The following ECPAS variants were observed in gnomAD, a reference collection of about 807,000 sequenced individuals.
ECPAS encodes the protein Ecm29 proteasome adaptor and scaffold, also known as proteasome adapter and scaffold protein ECM29.
Under a neutral mutation model 255.1 loss-of-function variants are expected in ECPAS, and 70 were observed. That is an observed-to-expected ratio of 0.27 (90% CI 0.23 to 0.33). The LOEUF (loss-of-function observed/expected upper bound fraction) is 0.33, where lower values mean the gene tolerates loss of function less well. ECPAS is among the 10% of genes least tolerant of loss of function. The probability of loss-of-function intolerance (pLI) is 1.00; values close to 1 mark genes in which losing one functional copy is unlikely to be tolerated. For synonymous variants in ECPAS, 784 were observed against 775.0 expected, an observed-to-expected ratio of 1.01 and a Z score of -0.19; for missense variants, 1,817 against 2,206.4, an observed-to-expected ratio of 0.82 and a Z score of 3.54.
At chr9:111,388,294 C>G (rs1185162973) in intron 31 of ECPAS, among the ~76,000 whole-genome samples, 1 of 150,024 alleles carries the variant, frequency 6.7e-6, no homozygotes, top group African/African-American at 2.5e-5. Flanking sequence ...AGAGATGACA[C>G]TCACGTCTCA....
At chr9:111,389,938 G>T in intron 30 of ECPAS, 46 bp downstream of exon 30, 1 of 1,342,358 alleles carries the variant, frequency 7.4e-7, no homozygotes, top group Non-Finnish European at 1.0e-6. Flanking sequence ...TAGCATGTTT[G>T]GTTTGCATGA....
In ECPAS at chr9:111,444,504, AG is replaced by A. The variant is rs1387709127; in HGVS notation, c.154-11del. 2 of 1,549,884 alleles carry A rather than the reference AG, an allele frequency of 1.3e-6. No homozygotes were observed. ...CCAGCAGTTCCATTACCTAAAATACAGAGAGATGGGAACTAAAGTTATTGAT... is the reference window on the plus strand; with the variant it reads ...CCAGCAGTTCCATTACCTAAAATACAAGAGATGGGAACTAAAGTTATTGAT... On this transcript the variant is annotated splice_polypyrimidine_tract_variant and intron_variant, in intron 3 of 49. Transcript: ENST00000684092.
At chr9:111,412,575 A>AT (rs1480675978) in intron 20 of ECPAS, among the ~76,000 whole-genome samples, 136 of 151,766 alleles carry the variant, frequency 9.0e-4, no homozygotes, top group African/African-American at 2.8e-3. Flanking sequence ...TCGTTTCTTG[A>AT]TTTTTTTTTC....
intron 33 of ECPAS, 147 bp downstream of exon 33, chr9:111,385,190 C>T (rs2098146183): frequency 1.1e-5 from 6 of 548,868 alleles, no homozygotes; most frequent in Non-Finnish European, 1.9e-5. Flanking sequence ...TGCAACTTCA[C>T]AGACACATTA....
rs565344659 is a variant in ECPAS, at chr9:111,417,743, T to C, written c.1683+140A>G. The C allele has an allele frequency of 1.3e-5, 11 of 842,574 alleles. No individual in the cohort carries two copies. The South Asian group carries it at 1.9e-4, about 15-fold the overall frequency. 52.2% of individuals were successfully genotyped at this position (842,574 alleles called of 1,614,324 possible). ...CCTGGGCAACAAGAGCGAAGCTCCA[T>C]CTCAAAAAAAAAAAAGAAAAGAAAA... On this transcript the variant is annotated intron_variant, in intron 17 of 49. Transcript: ENST00000684092.
intron 17 of ECPAS, 50 bp downstream of exon 17, chr9:111,417,833 T>A: frequency 6.8e-7 from 1 of 1,461,174 alleles, no homozygotes; most frequent in Non-Finnish European, 9.1e-7. Context: ...TGTTTTTATT[T>A]TCATCATCCA....
At chr9:111,411,892 G>T in intron 21 of ECPAS, 122 bp downstream of exon 21, 1 of 854,842 alleles carries the variant, frequency 1.2e-6, no homozygotes, top group Non-Finnish European at 1.7e-6. Flanking sequence ...ACTCTTTATG[G>T]TCATAAAAGC....
chr9:111,434,896 C>CTTTTTTTTTTTTTTTTTTTTTTTTTT (rs3031129), intron 7 of ECPAS, among the ~76,000 whole-genome samples: 1 of 92,182 alleles, frequency 1.1e-5, no homozygotes. Flanking sequence ...CCACATCTGG[C>CTTTTTTTTTTTTTTTTTTTTTTTTTT]TTTTTTTTTT....
At chr9:111,372,707 A>G in intron 41 of ECPAS, 87 bp from the exon 42 acceptor site, 1 of 1,020,416 alleles carries the variant, frequency 9.8e-7, no homozygotes, top group Non-Finnish European at 1.4e-6. Flanking sequence ...CTCATATAAT[A>G]GCAAAACAAA....
At position 111,433,500 on chromosome 9, in the gene ECPAS, C is replaced by T. The variant is rs2098233127; in HGVS notation, c.709-128G>A. 8.4e-6 allele frequency: 7 copies of T among 834,770 alleles called. No homozygotes were observed. The Admixed American group carries it at 1.5e-4, about 18-fold the overall frequency. 51.7% of individuals were successfully genotyped at this position (834,770 alleles called of 1,614,324 possible). A position where few individuals can be genotyped will look rare whatever the true frequency, so the allele number is the denominator to read the frequency against. ...GCAGTAACAACAGTAGCAGCTCCTA[C>T]TTAGGCTTACAATGTGCCGGGGACT... On this transcript the variant is annotated intron_variant, in intron 7 of 49. Coordinates refer to ENST00000684092, the MANE Select transcript of ECPAS (RefSeq NM_001364929.1).
At chr9:111,425,642 C>T (rs1222291438) in intron 11 of ECPAS, 101 bp downstream of exon 11, 5 of 976,684 alleles carry the variant, frequency 5.1e-6, no homozygotes, top group South Asian at 3.5e-5. Context: ...GATGAGCAAA[C>T]ATGTTTTCTT....
intron 45 of ECPAS, among the ~76,000 whole-genome samples, chr9:111,369,784 A>T (rs2098125162): frequency 6.6e-6 from 1 of 151,870 alleles, no homozygotes; most frequent in Non-Finnish European, 1.5e-5. Flanking sequence ...TGAGTATTCC[A>T]TTTTCCACAT....
chr9:111,458,139 C>A (rs944091875), intron 2 of ECPAS, among the ~76,000 whole-genome samples: 1 of 152,114 alleles, frequency 6.6e-6, no homozygotes, highest in African/African-American at 2.4e-5. Context: ...GAAAGCCCAA[C>A]TAATGATTCT....
rs55763374 is a variant in ECPAS, at chr9:111,466,616, TACACACACACACACAC to T, written c.22+6265_22+6280del. On this transcript the variant is annotated intron_variant, in intron 2 of 49. Coordinates refer to ENST00000684092, the MANE Select transcript of ECPAS (RefSeq NM_001364929.1). ...TCTACTAAAAATATAAATAACTAAA[TACACACACACACACAC>T]ACACACACACACACACACACACACG... Among the ~76,000 whole-genome samples, 253 of 143,498 alleles carry T rather than the reference TACACACACACACACAC, an allele frequency of 1.8e-3. 1 individual carries two copies. The highest frequency in any genetic ancestry group is 6.2e-3 in the African/African-American group (239 of 38,606). 94.1% of individuals were successfully genotyped at this position (143,498 alleles called of 152,430 possible).
intron 17 of ECPAS, 118 bp from the exon 18 acceptor site, chr9:111,416,470 G>T: frequency 2.8e-6 from 2 of 716,084 alleles, no homozygotes; most frequent in South Asian, 3.4e-5. Context: ...TTCTTTTTCT[G>T]ATCAAACATT....
At chr9:111,366,097 T>A (rs890902419) in intron 48 of ECPAS, 142 bp downstream of exon 48, 2 of 584,070 alleles carry the variant, frequency 3.4e-6, no homozygotes, top group Admixed American at 6.5e-5. Context: ...AGTTAAGGGG[T>A]ACACATGGAG....
chr9:111,479,433 CA>C (rs1319647185), intron 1 of ECPAS, among the ~76,000 whole-genome samples: 12 of 146,250 alleles, frequency 8.2e-5, no homozygotes, highest in South Asian at 4.4e-4. Flanking sequence ...CTGTCTCTAC[CA>C]AAAAAAAAAT....
At position 111,372,441 on chromosome 9, in the gene ECPAS, C is replaced by T. The variant is rs1376246606; in HGVS notation, c.4516G>A (p.Glu1506Lys). The T allele has an allele frequency of 6.2e-7, 1 of 1,613,690 alleles. No individual in the cohort carries two copies. The highest frequency in any genetic ancestry group is 1.1e-5 in the South Asian group (1 of 91,050). ...ECNLWTEVWQ[E>K]NVPGSFGGIR... Reference sequence around the variant, plus strand: ...CCACACTACTAACCAGGTACGTTTTCCTGCCACACTTCGGTCCATAAATTA... The same window carrying T: ...CCACACTACTAACCAGGTACGTTTTTCTGCCACACTTCGGTCCATAAATTA... The change falls in exon 42 of 50, where the codon GAA (glutamate) becomes AAA (lysine). Residue 1506 changes from glutamate to lysine, a missense_variant. Physicochemically the swap from Glu to Lys is moderately conservative, Grantham distance 56 (BLOSUM62 1). This residue lies in a region of ECPAS where 960 missense variants were observed against 1,179.0 expected (regional missense o/e 0.81). Coordinates refer to ENST00000684092, the MANE Select transcript of ECPAS (RefSeq NM_001364929.1).
intron 2 of ECPAS, among the ~76,000 whole-genome samples, chr9:111,457,744 G>A (rs2131999058): frequency 6.6e-6 from 1 of 152,206 alleles, no homozygotes; most frequent in East Asian, 1.9e-4. Flanking sequence ...AAGTGTAAAG[G>A]ACCCAATTGA....
Sources: allele counts gnomAD v4.1 joint callset (sites outside exome capture counted in the v4.1 genomes callset), GRCh38; gene constraint gnomAD v4.1.1; regional missense constraint gnomAD v4.1.1; transcripts MANE v1.5; gene names NCBI Gene and HGNC (gene_info 2026-07-23, HGNC 2026-07-21).